The following LRP1B variants were observed in gnomAD, a reference collection of about 807,000 sequenced individuals.
LRP1B encodes low-density lipoprotein receptor-related protein 1B.
LRP1B carries 217 observed loss-of-function variants against 556.6 expected under a neutral mutation model. The ratio of observed to expected loss-of-function variants is 0.39; its 90% CI spans 0.35 to 0.44. The LOEUF is 0.44. Among genes scored for constraint, LRP1B ranks in the 20% least tolerant of loss-of-function variants. The pLI, the probability that LRP1B is intolerant of heterozygous loss-of-function variation, is 1.00. For synonymous variants in LRP1B, 2,047 were observed against 1,865.8 expected (o/e 1.10, Z -2.50); for missense variants, 5,053 against 5,620.8 (o/e 0.90, Z 3.23).
At chr2:142,089,978 C>T (rs1175383603) in intron 1 of LRP1B, among the ~76,000 whole-genome samples, 1 of 151,882 alleles carries the variant, frequency 6.6e-6, no homozygotes, top group African/African-American at 2.4e-5. Flanking sequence ...ATCATATATC[C>T]AAAAATGTTT....
chr2:141,068,156 A>T (rs1218532494), intron 7 of LRP1B, among the ~76,000 whole-genome samples: 2 of 152,006 alleles, frequency 1.3e-5, no homozygotes, highest in Non-Finnish European at 2.9e-5. Context: ...TTGTGTTCTA[A>T]AGATTTTGAA....
intron 2 of LRP1B, among the ~76,000 whole-genome samples, chr2:141,776,923 A>G (rs1339548760): frequency 6.6e-6 from 1 of 152,162 alleles, no homozygotes; most frequent in African/African-American, 2.4e-5. Context: ...TATTATCAGT[A>G]TGATTATTTG....
At chr2:141,940,764 C>T (rs970310547) in intron 1 of LRP1B, among the ~76,000 whole-genome samples, 6 of 152,038 alleles carry the variant, frequency 3.9e-5, no homozygotes, top group Non-Finnish European at 4.4e-5. Flanking sequence ...ATGTGAAATG[C>T]TAGCAGTTTT....
At chr2:141,710,448 T>C (rs1024920966) in intron 2 of LRP1B, among the ~76,000 whole-genome samples, 5 of 152,104 alleles carry the variant, frequency 3.3e-5, no homozygotes, top group African/African-American at 1.2e-4. Flanking sequence ...AGCTACCCTG[T>C]GATTGTCACA....
chr2:141,856,022 T>G (rs1194676791), intron 1 of LRP1B, among the ~76,000 whole-genome samples: 1 of 152,192 alleles, frequency 6.6e-6, no homozygotes, highest in Non-Finnish European at 1.5e-5. Context: ...GAGTGTGCTA[T>G]GTAAATGCAA....
intron 41 of LRP1B, among the ~76,000 whole-genome samples, chr2:140,688,270 T>C (rs182208648): frequency 6.6e-6 from 1 of 152,152 alleles, no homozygotes; most frequent in Non-Finnish European, 1.5e-5. Context: ...CTCTTGAAGG[T>C]AACAGAATCA....
intron 67 of LRP1B, among the ~76,000 whole-genome samples, chr2:140,380,033 T>C (rs1683404135): frequency 6.6e-6 from 1 of 152,196 alleles, no homozygotes; most frequent in Admixed American, 6.5e-5. Context: ...ATCTACCGAT[T>C]GCTTATTTGT....
At chr2:141,866,765 A>G (rs1698425917) in intron 1 of LRP1B, among the ~76,000 whole-genome samples, 1 of 151,778 alleles carries the variant, frequency 6.6e-6, no homozygotes, top group Non-Finnish European at 1.5e-5. Flanking sequence ...AAACTGGAAG[A>G]GGAGAAAAGG....
intron 1 of LRP1B, among the ~76,000 whole-genome samples, chr2:141,827,889 T>G (rs1382714373): frequency 1.3e-5 from 2 of 152,004 alleles, no homozygotes; most frequent in Non-Finnish European, 2.9e-5. Context: ...CGTATAATAT[T>G]TAGACATATA....
At chr2:140,865,494 A>T (rs1692920892) in intron 27 of LRP1B, among the ~76,000 whole-genome samples, 2 of 151,996 alleles carry the variant, frequency 1.3e-5, no homozygotes, top group African/African-American at 2.4e-5. Context: ...CGGTAATAAA[A>T]TAGTCGATAT....
intron 2 of LRP1B, among the ~76,000 whole-genome samples, chr2:141,624,085 A>G (rs1688617564): frequency 6.6e-6 from 1 of 151,178 alleles, no homozygotes; most frequent in African/African-American, 2.4e-5. Flanking sequence ...TAATATATAC[A>G]TGGCATGCAA....
At chr2:141,130,658 A>G (rs1574105551) in intron 7 of LRP1B, among the ~76,000 whole-genome samples, 1 of 152,262 alleles carries the variant, frequency 6.6e-6, no homozygotes, top group South Asian at 2.1e-4. Context: ...TATAATAGAA[A>G]AAGAAAAGAT....
chr2:140,353,332 G>A (rs560205624), intron 75 of LRP1B, among the ~76,000 whole-genome samples: 146 of 151,432 alleles, frequency 9.6e-4, no homozygotes, highest in Admixed American at 2.9e-3. Context: ...AACTTCCCTG[G>A]GGCTTTCTTT....
intron 2 of LRP1B, among the ~76,000 whole-genome samples, chr2:141,540,272 G>A (rs1212689235): frequency 6.6e-6 from 1 of 150,936 alleles, no homozygotes; most frequent in African/African-American, 2.4e-5. Context: ...ACATTAGGGA[G>A]TATGCAAGTC....
chr2:140,530,086 C>A (rs894114090), intron 47 of LRP1B, among the ~76,000 whole-genome samples: 3 of 152,138 alleles, frequency 2.0e-5, no homozygotes, highest in African/African-American at 7.2e-5. Context: ...ATAATTACTA[C>A]TGACATCTAA....
At chr2:140,259,944 A>C (rs1681860336) in intron 86 of LRP1B, among the ~76,000 whole-genome samples, 1 of 151,960 alleles carries the variant, frequency 6.6e-6, no homozygotes, top group South Asian at 2.1e-4. Flanking sequence ...CAGATGATGA[A>C]GGAAAGGAGA....
At chr2:141,452,184 G>GA (rs903997316) in intron 3 of LRP1B, among the ~76,000 whole-genome samples, 7 of 150,600 alleles carry the variant, frequency 4.6e-5, no homozygotes, top group Non-Finnish European at 8.9e-5. Context: ...AAGGAGGCTG[G>GA]AAAAAAAAAG....
At chr2:141,097,580 C>T (rs1042745791) in intron 7 of LRP1B, among the ~76,000 whole-genome samples, 3 of 152,068 alleles carry the variant, frequency 2.0e-5, no homozygotes, top group Non-Finnish European at 4.4e-5. Context: ...TTTCATTTAT[C>T]TTGTCTACCT....
At chr2:140,461,932 T>G (rs2105330025) in intron 60 of LRP1B, among the ~76,000 whole-genome samples, 1 of 152,314 alleles carries the variant, frequency 6.6e-6, no homozygotes, top group Admixed American at 6.5e-5. Flanking sequence ...CTGCTATTAC[T>G]TTTATGAAGG....
Sources: allele counts gnomAD v4.1 joint callset (sites outside exome capture counted in the v4.1 genomes callset), GRCh38; gene constraint gnomAD v4.1.1; transcripts MANE v1.5; gene names NCBI Gene and HGNC (gene_info 2026-07-23, HGNC 2026-07-21).